POLA1: variants seen among roughly 807,000 people sequenced by gnomAD.
POLA1 encodes DNA polymerase alpha catalytic subunit.
Under a neutral mutation model 124.0 loss-of-function variants are expected in POLA1, and 15 were observed. That is an observed-to-expected ratio of 0.12 (90% CI 0.08 to 0.19). The LOEUF (loss-of-function observed/expected upper bound fraction) is 0.19. POLA1 is among the 10% of genes least tolerant of loss of function. The probability of loss-of-function intolerance (pLI) is 1.00; values close to 1 mark genes in which losing one functional copy is unlikely to be tolerated. For missense variants in POLA1, 886 were observed against 1,103.4 expected, an observed-to-expected ratio of 0.80 and a Z score of 2.79; for synonymous variants, 408 against 389.4, an observed-to-expected ratio of 1.05 and a Z score of -0.56.
intron 36 of POLA1, among the ~76,000 whole-genome samples, chrX:24,990,984 T>G (rs1357173878): frequency 8.9e-6 from 1 of 112,206 alleles, no homozygotes; most frequent in Non-Finnish European, 1.9e-5. Flanking sequence ...TCATTTACCA[T>G]TCTGATTTTA....
chrX:24,752,978 GT>G (rs1932397244), intron 26 of POLA1, among the ~76,000 whole-genome samples: 1 of 110,771 alleles, frequency 9.0e-6, no homozygotes, highest in Non-Finnish European at 1.9e-5. Context: ...TTTTGAATTT[GT>G]TTTTTTATTG....
At chrX:24,966,905 T>C (rs1285364783) in intron 36 of POLA1, among the ~76,000 whole-genome samples, 2 of 112,333 alleles carry the variant, frequency 1.8e-5, no homozygotes, top group East Asian at 5.5e-4. Flanking sequence ...GGGAATGTAA[T>C]TGGTAAGAAA....
At chrX:24,974,462 C>T (rs1246801133) in intron 36 of POLA1, among the ~76,000 whole-genome samples, 1 of 111,599 alleles carries the variant, frequency 9.0e-6, no homozygotes, top group African/African-American at 3.3e-5. Flanking sequence ...CCATGGAATA[C>T]CATGCAGCCA....
At chrX:24,723,745 A>G (rs58947987) in intron 11 of POLA1, among the ~76,000 whole-genome samples, 1,191 of 112,404 alleles carry the variant, frequency 0.011, 17 homozygotes, top group African/African-American at 0.037. Flanking sequence ...CAATGGCACA[A>G]TCTCGGCTCA....
At chrX:24,976,924 G>A (rs2048369595) in intron 36 of POLA1, among the ~76,000 whole-genome samples, 1 of 112,242 alleles carries the variant, frequency 8.9e-6, no homozygotes, top group African/African-American at 3.2e-5. Flanking sequence ...CAGGCAGTTA[G>A]AGCATGATTC....
At chrX:24,918,514 A>C (rs1304333961) in intron 35 of POLA1, among the ~76,000 whole-genome samples, 1 of 111,697 alleles carries the variant, frequency 9.0e-6, no homozygotes, top group Non-Finnish European at 1.9e-5. Context: ...TGTTCTAAGC[A>C]TTTTTTCTAT....
chrX:24,837,266 T>C (rs1343252580), intron 32 of POLA1, among the ~76,000 whole-genome samples: 1 of 112,233 alleles, frequency 8.9e-6, no homozygotes, highest in African/African-American at 3.2e-5. Flanking sequence ...ACCTCTGTTA[T>C]AGTAGCAATC....
chrX:24,738,083 G>T (rs1409309114), intron 19 of POLA1, among the ~76,000 whole-genome samples: 1 of 104,378 alleles, frequency 9.6e-6, no homozygotes, highest in Admixed American at 9.9e-5. Context: ...CGCGGTGGCG[G>T]GCGCCTGTAG....
At chrX:24,882,219 CA>C (rs2047011473) in intron 34 of POLA1, among the ~76,000 whole-genome samples, 1 of 111,842 alleles carries the variant, frequency 8.9e-6, no homozygotes, top group Admixed American at 9.5e-5. Context: ...CTCAAGTATG[CA>C]AACTACTATG....
At chrX:24,764,773 G>A (rs916826248) in intron 26 of POLA1, among the ~76,000 whole-genome samples, 1 of 111,406 alleles carries the variant, frequency 9.0e-6, no homozygotes, top group African/African-American at 3.3e-5. Flanking sequence ...AGTCCTGCCA[G>A]TGTTACTTCC....
At chrX:24,909,835 C>T (rs1601860147) in intron 35 of POLA1, among the ~76,000 whole-genome samples, 2 of 109,779 alleles carry the variant, frequency 1.8e-5, no homozygotes, top group Admixed American at 1.9e-4. Context: ...GCAGTATGGC[C>T]ATTTTCACGA....
intron 26 of POLA1, among the ~76,000 whole-genome samples, chrX:24,793,581 C>CT (rs200977117): frequency 0.011 from 1,233 of 110,158 alleles, 18 homozygotes; most frequent in African/African-American, 0.039. Flanking sequence ...AAGAGAGTCT[C>CT]TTTTTTTTGT....
chrX:24,982,720 T>C (rs2048435694), intron 36 of POLA1, among the ~76,000 whole-genome samples: 1 of 110,571 alleles, frequency 9.0e-6, no homozygotes, highest in Admixed American at 9.7e-5. Flanking sequence ...CAAATGGAAT[T>C]TATCTTCTCT....
chrX:24,945,752 A>G (rs2047953982), intron 36 of POLA1, among the ~76,000 whole-genome samples: 1 of 111,133 alleles, frequency 9.0e-6, no homozygotes, highest in African/African-American at 3.3e-5. Context: ...CTTCTTGTCA[A>G]ATATGCATTA....
At chrX:24,797,396 G>A (rs1036085398) in intron 26 of POLA1, among the ~76,000 whole-genome samples, 1 of 110,016 alleles carries the variant, frequency 9.1e-6, no homozygotes, top group Admixed American at 9.6e-5. Flanking sequence ...TCCTTTTCCT[G>A]TTATTCCCTA....
intron 36 of POLA1, among the ~76,000 whole-genome samples, chrX:24,942,133 C>T (rs1439095860): frequency 8.9e-6 from 1 of 111,963 alleles, no homozygotes; most frequent in Non-Finnish European, 1.9e-5. Context: ...CTAAATACCT[C>T]CTTTTTATAG....
intron 36 of POLA1, among the ~76,000 whole-genome samples, chrX:24,980,384 A>G (rs986295722): frequency 5.3e-5 from 6 of 112,230 alleles, no homozygotes; most frequent in African/African-American, 1.9e-4. Context: ...TCTGTCAGGC[A>G]CAGAATTACA....
intron 34 of POLA1, among the ~76,000 whole-genome samples, chrX:24,883,555 C>T (rs1380640995): frequency 8.9e-6 from 1 of 112,023 alleles, no homozygotes; most frequent in East Asian, 2.8e-4. Context: ...CAGAACCAAT[C>T]AACATTTGAC....
At chrX:24,843,726 G>A in intron 34 of POLA1, 49 bp downstream of exon 34, 2 of 944,040 alleles carry the variant, frequency 2.1e-6, no homozygotes, top group Non-Finnish European at 2.8e-6. Flanking sequence ...TTGAGGTTTG[G>A]TACTTGTTTA....
Sources: allele counts gnomAD v4.1 joint callset (sites outside exome capture counted in the v4.1 genomes callset), GRCh38; gene constraint gnomAD v4.1.1; transcripts MANE v1.5; gene names NCBI Gene and HGNC (gene_info 2026-07-23, HGNC 2026-07-21).